NEK10: variants seen among roughly 807,000 people sequenced by gnomAD.
The protein encoded by NEK10 is NIMA related kinase 10, also known as serine/threonine-protein kinase Nek10.
NEK10 carries 122 observed loss-of-function variants against 159.8 expected under a neutral mutation model. The observed-to-expected ratio is 0.76, with a 90% CI of 0.66 to 0.89. The LOEUF (loss-of-function observed/expected upper bound fraction) is 0.89. Among genes scored for constraint, NEK10 ranks in the 40% least tolerant of loss-of-function variants. NEK10 has a pLI of 0.00. For synonymous variants in NEK10, 466 were observed against 457.1 expected (o/e 1.02, Z -0.25); for missense variants, 1,342 against 1,323.1 (o/e 1.01, Z -0.22).
intron 25 of NEK10, among the ~76,000 whole-genome samples, chr3:27,193,386 T>C (rs1949279248): frequency 6.6e-6 from 1 of 152,140 alleles, no homozygotes. Context: ...ATATTATTTC[T>C]CTACTCAAAA....
chr3:27,312,389 AG>A (rs950644173), intron 7 of NEK10, among the ~76,000 whole-genome samples: 2 of 152,210 alleles, frequency 1.3e-5, no homozygotes, highest in African/African-American at 4.8e-5. Flanking sequence ...TATGAAGTTG[AG>A]GGAAAGACCA....
intron 33 of NEK10, among the ~76,000 whole-genome samples, chr3:27,117,133 C>T (rs1940577449): frequency 1.3e-5 from 2 of 152,196 alleles, no homozygotes; most frequent in African/African-American, 4.8e-5. Flanking sequence ...CAGCTCCATC[C>T]ATGTCCCTGC....
intron 22 of NEK10, among the ~76,000 whole-genome samples, chr3:27,260,961 T>C (rs2040358836): frequency 6.6e-6 from 1 of 152,196 alleles, no homozygotes; most frequent in Non-Finnish European, 1.5e-5. Flanking sequence ...AGGGTGTATG[T>C]GTCCAGGAAT....
chr3:27,221,753 C>G (rs1165796431), intron 23 of NEK10, among the ~76,000 whole-genome samples: 1 of 152,156 alleles, frequency 6.6e-6, no homozygotes, highest in African/African-American at 2.4e-5. Context: ...GCCAAGAACT[C>G]ACTGCCTGGT....
chr3:27,291,470 AACTCAGGACTT>A lies in NEK10; in HGVS notation c.1476+3_1476+13del. ...CATAGCAGCCTGCCAAAATATTGAA[AACTCAGGACTT>A]ACCACTAATAAATTCAGCTTGGATA... On this transcript the variant is annotated splice_donor_5th_base_variant and intron_variant, in intron 17 of 35. Transcript: ENST00000691995. 1 of 1,602,208 alleles carries A rather than the reference AACTCAGGACTT, an allele frequency of 6.2e-7. No individual in the cohort carries two copies. The highest frequency in any genetic ancestry group is 1.1e-5 in the South Asian group (1 of 90,646).
At chr3:27,161,246 T>C (rs768370559) in intron 30 of NEK10, among the ~76,000 whole-genome samples, 22 of 152,254 alleles carry the variant, frequency 1.4e-4, no homozygotes, top group Non-Finnish European at 3.1e-4. Flanking sequence ...TTCATAATTA[T>C]ATTTTGAACT....
chr3:27,269,577 A>ACACACAAATAGACTATTG (rs1184571790), intron 22 of NEK10, among the ~76,000 whole-genome samples: 2 of 152,202 alleles, frequency 1.3e-5, no homozygotes, highest in Non-Finnish European at 1.5e-5. Context: ...TAGACATAAT[A>ACACACAAATAGACTATTG]CACACAAATA....
chr3:27,353,838 C>T (rs567900899), intron 1 of NEK10, among the ~76,000 whole-genome samples: 20 of 152,118 alleles, frequency 1.3e-4, no homozygotes, highest in African/African-American at 3.6e-4. Context: ...AAAACCCACT[C>T]GTGAACTTTA....
At chr3:27,357,048 C>T (rs2048368265) in intron 1 of NEK10, among the ~76,000 whole-genome samples, 2 of 152,228 alleles carry the variant, frequency 1.3e-5, no homozygotes, top group South Asian at 4.1e-4. Flanking sequence ...AGAACCTCCT[C>T]TGACATCCCA....
In NEK10 at chr3:27,110,247, A is replaced by C. The variant is rs993142189; in HGVS notation, c.*1025T>G. On this transcript the variant is annotated 3_prime_UTR_variant, in exon 36 of 36. Coordinates refer to ENST00000691995, the MANE Select transcript of NEK10 (RefSeq NM_001394966.1). ...GATTGAAGAGAAGGAGTTTAAGCCC[A>C]GTGAGAATCTAGCAGATTTTCATCA... is the stretch of plus-strand genomic sequence containing the variant. 7 of 152,212 alleles carry C rather than the reference A, an allele frequency of 4.6e-5. No individual in the cohort carries two copies. Among genetic ancestry groups the C allele is most frequent in the African/African-American group, 1.7e-4 (7 of 41,456 alleles). The allele number at this position is 152,212 out of a possible 1,614,324, so 9.4% of individuals were successfully genotyped here.
At chr3:27,126,350 G>A (rs1044387914) in intron 32 of NEK10, among the ~76,000 whole-genome samples, 1 of 152,112 alleles carries the variant, frequency 6.6e-6, no homozygotes, top group Non-Finnish European at 1.5e-5. Flanking sequence ...TATCAAAAGC[G>A]TGATCTATAG....
intron 3 of NEK10, among the ~76,000 whole-genome samples, chr3:27,347,007 T>G (rs572909271): frequency 3.2e-4 from 48 of 152,328 alleles, no homozygotes; most frequent in Admixed American, 2.8e-3. Context: ...ACAATAAAGT[T>G]GGGCATGGTA....
At chr3:27,278,773 G>C in intron 22 of NEK10, 1 of 985,242 alleles carries the variant, frequency 1.0e-6, no homozygotes, top group South Asian at 4.7e-5. Flanking sequence ...AAGAAATCTG[G>C]AATGGTGGGT....
intron 25 of NEK10, among the ~76,000 whole-genome samples, chr3:27,198,552 A>T (rs1451814187): frequency 2.6e-5 from 4 of 152,200 alleles, no homozygotes; most frequent in Non-Finnish European, 5.9e-5. Context: ...TTCCCTATGT[A>T]ACAAATGGTG....
chr3:27,368,374 G>T (rs1037372134), intron 1 of NEK10, among the ~76,000 whole-genome samples: 1 of 151,896 alleles, frequency 6.6e-6, no homozygotes, highest in African/African-American at 2.4e-5. Context: ...GGGGAAAAAA[G>T]TGGATTGGAT....
rs1034518932 is a variant in NEK10, at chr3:27,163,880, T to C, written c.2832-1142A>G. 4.6e-5 allele frequency among the ~76,000 whole-genome samples: 7 copies of C among 152,312 alleles called. No individual in the cohort carries two copies. The South Asian group carries it at 8.3e-4, about 18-fold the overall frequency. On this transcript the variant is annotated intron_variant, in intron 29 of 35. Transcript: ENST00000691995. Reference sequence around the variant, plus strand: ...TGTCCCAACCTTTTCGTTTTAATCATAGAATTTTTGATACATGCATGCAAC... The same window carrying C: ...TGTCCCAACCTTTTCGTTTTAATCACAGAATTTTTGATACATGCATGCAAC...
At chr3:27,206,129 G>A (rs910496232) in intron 23 of NEK10, among the ~76,000 whole-genome samples, 3 of 152,186 alleles carry the variant, frequency 2.0e-5, no homozygotes, top group African/African-American at 7.2e-5. Context: ...CCATCACGTT[G>A]CAGATTAGGA....
intron 30 of NEK10, among the ~76,000 whole-genome samples, chr3:27,154,427 A>G (rs1374716923): frequency 6.6e-6 from 1 of 152,138 alleles, no homozygotes; most frequent in Non-Finnish European, 1.5e-5. Flanking sequence ...GAAAGAGGGA[A>G]CCCTCCCTAA....
intron 6 of NEK10, among the ~76,000 whole-genome samples, chr3:27,319,047 G>A (rs1024632093): frequency 3.3e-5 from 5 of 152,148 alleles, no homozygotes; most frequent in South Asian, 2.1e-4. Context: ...GAGAAAACGT[G>A]GTACAGTGTG....
Sources: allele counts gnomAD v4.1 joint callset (sites outside exome capture counted in the v4.1 genomes callset), GRCh38; gene constraint gnomAD v4.1.1; transcripts MANE v1.5; gene names NCBI Gene and HGNC (gene_info 2026-07-23, HGNC 2026-07-21).